ADGRE3: variants seen among roughly 807,000 people sequenced by gnomAD.
The protein encoded by ADGRE3 is adhesion G protein-coupled receptor E3.
Under a neutral mutation model 80.1 loss-of-function variants are expected in ADGRE3, and 88 were observed. The observed-to-expected ratio is 1.10, with a 90% CI of 0.93 to 1.31. The LOEUF is 1.31. ADGRE3 is among the 40% of genes most tolerant of loss of function. The probability of loss-of-function intolerance (pLI) is 0.00; values close to 1 mark genes in which losing one functional copy is unlikely to be tolerated. For missense variants in ADGRE3, 715 were observed against 776.5 expected (o/e 0.92, Z 0.94); for synonymous variants, 281 against 294.8 (o/e 0.95, Z 0.48).
chr19:14,671,065 T>C (rs1972243887), intron 1 of ADGRE3, among the ~76,000 whole-genome samples: 1 of 152,154 alleles, frequency 6.6e-6, no homozygotes, highest in Non-Finnish European at 1.5e-5. Flanking sequence ...TGCAGACCAA[T>C]TGTAGGATTT....
the ADGRE3 span, among the ~76,000 whole-genome samples, chr19:14,611,647 G>A: frequency 6.6e-6 from 1 of 152,058 alleles, no homozygotes; most frequent in Non-Finnish European, 1.5e-5. Flanking sequence ...GACAACGATG[G>A]ACCTATCTGC....
the ADGRE3 span, among the ~76,000 whole-genome samples, chr19:14,609,653 C>T: frequency 6.6e-6 from 1 of 151,538 alleles, no homozygotes; most frequent in African/African-American, 2.4e-5. Context: ...GCCTGGCCAA[C>T]ATGGTGAAAC....
intron 10 of ADGRE3, among the ~76,000 whole-genome samples, chr19:14,640,131 G>A (rs561055067): frequency 1.3e-5 from 2 of 152,096 alleles, no homozygotes; most frequent in Non-Finnish European, 2.9e-5. Flanking sequence ...ACAATCTCCA[G>A]GTTCATCCAT....
intron 15 of ADGRE3, among the ~76,000 whole-genome samples, chr19:14,620,548 T>TGTATATATATATA: frequency 8.0e-5 from 2 of 24,982 alleles, no homozygotes; most frequent in Non-Finnish European, 6.2e-5. Flanking sequence ...TATATATATA[T>TGTATATATATATA]TATATATATA....
chr19:14,613,938 G>A, the ADGRE3 span, among the ~76,000 whole-genome samples: 1 of 151,914 alleles, frequency 6.6e-6, no homozygotes, highest in Non-Finnish European at 1.5e-5. Context: ...CACCCGCCTT[G>A]GCCTCTCAAA....
At chr19:14,651,589 A>C (rs1971609648) in intron 6 of ADGRE3, among the ~76,000 whole-genome samples, 1 of 152,206 alleles carries the variant, frequency 6.6e-6, no homozygotes, top group South Asian at 2.1e-4. Context: ...CTTAGCATAC[A>C]CCTTTGAAGA....
chr19:14,636,225 C>A (rs1275839785), intron 11 of ADGRE3, among the ~76,000 whole-genome samples: 1 of 114,706 alleles, frequency 8.7e-6, no homozygotes, highest in Non-Finnish European at 1.9e-5. Context: ...TTTTTCTTTC[C>A]TTTTTCTTTT....
At chr19:14,634,181 A>T (rs1049090516) in intron 11 of ADGRE3, among the ~76,000 whole-genome samples, 1 of 152,116 alleles carries the variant, frequency 6.6e-6, no homozygotes, top group African/African-American at 2.4e-5. Flanking sequence ...AATTTTATGA[A>T]AATTTTATGA....
the ADGRE3 span, chr19:14,607,079 G>A: frequency 7.5e-7 from 1 of 1,329,190 alleles, no homozygotes; most frequent in Non-Finnish European, 9.7e-7. Flanking sequence ...GGAGGTGGCT[G>A]GATGGGTCTC....
At chr19:14,608,628 ATTTTTT>A in the ADGRE3 span, among the ~76,000 whole-genome samples, 106 of 119,726 alleles carry the variant, frequency 8.9e-4, no homozygotes, top group Middle Eastern at 4.5e-3. Flanking sequence ...ATGAGGAAGA[ATTTTTT>A]TTTTTTTTTT....
At chr19:14,661,020 C>A (rs1182217866) in intron 4 of ADGRE3, among the ~76,000 whole-genome samples, 1 of 143,818 alleles carries the variant, frequency 7.0e-6, no homozygotes, top group Admixed American at 7.5e-5. Flanking sequence ...TGTCTCACTG[C>A]CACCTCTGCT....
chr19:14,644,267 G>A lies in ADGRE3; in HGVS notation c.891C>T (p.Pro297=), dbSNP rs112147214. 1.6e-4 allele frequency: 237 copies of A among 1,522,944 alleles called. No homozygotes were observed. In the African/African-American group the frequency reaches 2.9e-3, roughly 19 times the overall value. 94.3% of individuals were successfully genotyped at this position (1,522,944 alleles called of 1,614,324 possible). A position where few individuals can be genotyped will look rare whatever the true frequency, so the allele number is the denominator to read the frequency against. ...TLTFQHVKMT[P]STKKVFCVYW... Reference sequence around the variant, plus strand: ...AGACACAGAAGACCTTTTTGGTACTGGGGGTCATCTGAAAATAGAAAATAG... The same window carrying A: ...AGACACAGAAGACCTTTTTGGTACTAGGGGTCATCTGAAAATAGAAAATAG... The change falls in exon 9 of 16, where the codon CCC becomes CCT. Residue 297 remains proline (P), a synonymous_variant. Transcript: ENST00000253673.
chr19:14,614,010 G>A, the ADGRE3 span, among the ~76,000 whole-genome samples: 1 of 151,546 alleles, frequency 6.6e-6, no homozygotes, highest in South Asian at 2.1e-4. Flanking sequence ...TAAGAGATGG[G>A]TTCTCAGGAC....
At chr19:14,639,138 C>T (rs149209342) in intron 10 of ADGRE3, among the ~76,000 whole-genome samples, 14 of 152,156 alleles carry the variant, frequency 9.2e-5, no homozygotes, top group Non-Finnish European at 1.3e-4. Flanking sequence ...GTGATCCTCC[C>T]GCCTTGGCCT....
intron 15 of ADGRE3, among the ~76,000 whole-genome samples, chr19:14,624,096 C>CTTT (rs760687394): frequency 0.23 from 31,589 of 139,538 alleles, 3,837 homozygotes; most frequent in Admixed American, 0.28. Context: ...ACCTGGCTTC[C>CTTT]TTTTTTTTTT....
chr19:14,658,729 T>A (rs551753546), intron 4 of ADGRE3, among the ~76,000 whole-genome samples, 179 bp from the exon 5 acceptor site: 6 of 152,054 alleles, frequency 3.9e-5, no homozygotes, highest in South Asian at 2.1e-4. Context: ...ATTTAAAAAA[T>A]TTTTTATTTT....
At chr19:14,615,633 G>A (rs183628832), downstream of ADGRE3, among the ~76,000 whole-genome samples, 260 of 151,354 alleles carry the variant, frequency 1.7e-3, no homozygotes, top group African/African-American at 6.0e-3. Flanking sequence ...GTGGTGGTGC[G>A]TGCCTGTAAT....
chr19:14,621,975 G>A, intron 15 of ADGRE3: 1 of 1,021,974 alleles, frequency 9.8e-7, no homozygotes, highest in Non-Finnish European at 1.4e-6. Flanking sequence ...ACAGGATCAG[G>A]TTGGACCGGC....
chr19:14,658,395 G>A (rs4488589), intron 5 of ADGRE3, 118 bp downstream of exon 5: 2 of 397,792 alleles, frequency 5.0e-6, no homozygotes, highest in Non-Finnish European at 8.7e-6. Flanking sequence ...CATTATATAT[G>A]TATATATAAT....
Sources: allele counts gnomAD v4.1 joint callset (sites outside exome capture counted in the v4.1 genomes callset), GRCh38; gene constraint gnomAD v4.1.1; transcripts MANE v1.5; gene names NCBI Gene and HGNC (gene_info 2026-07-23, HGNC 2026-07-21).